TAOK3: variants seen among roughly 807,000 people sequenced by gnomAD.
TAOK3 encodes serine/threonine-protein kinase TAO3.
Under a neutral mutation model 120.4 loss-of-function variants are expected in TAOK3, and 40 were observed. The ratio of observed to expected loss-of-function variants is 0.33; its 90% CI spans 0.26 to 0.43. The LOEUF is 0.43. TAOK3 is among the 20% of genes least tolerant of loss of function. The pLI is 1.00. For missense variants in TAOK3, 821 were observed against 1,112.1 expected, an observed-to-expected ratio of 0.74 and a Z score of 3.72; for synonymous variants, 355 against 387.5, an observed-to-expected ratio of 0.92 and a Z score of 0.99.
chr12:118,276,512 G>T (rs1566051303), intron 1 of TAOK3, among the ~76,000 whole-genome samples: 1 of 151,854 alleles, frequency 6.6e-6, no homozygotes, highest in Non-Finnish European at 1.5e-5. Flanking sequence ...CCAACCTGGC[G>T]AACACTGTGA....
chr12:118,218,843 A>C (rs2039074907), intron 9 of TAOK3, among the ~76,000 whole-genome samples: 1 of 152,098 alleles, frequency 6.6e-6, no homozygotes, highest in Admixed American at 6.6e-5. Flanking sequence ...AATCCCAGCT[A>C]CTTGGGAGGC....
At chr12:118,273,502 C>CAAAAA (rs1372281461) in intron 1 of TAOK3, among the ~76,000 whole-genome samples, 3 of 149,750 alleles carry the variant, frequency 2.0e-5, no homozygotes, top group Admixed American at 1.3e-4. Flanking sequence ...GACTCCGTCT[C>CAAAAA]AAAAAGAAAA....
At chr12:118,366,065 A>T (rs1349179414) in intron 1 of TAOK3, among the ~76,000 whole-genome samples, 1 of 152,094 alleles carries the variant, frequency 6.6e-6, no homozygotes, top group Non-Finnish European at 1.5e-5. Flanking sequence ...GGAATTCGAG[A>T]CCAGCCTAGT....
At chr12:118,268,185 TG>T (rs1177056086) in intron 1 of TAOK3, among the ~76,000 whole-genome samples, 1 of 152,208 alleles carries the variant, frequency 6.6e-6, no homozygotes, top group African/African-American at 2.4e-5. Flanking sequence ...AAACCAAGGC[TG>T]TATTCAACCT....
At chr12:118,185,514 C>T (rs1239337100) in intron 14 of TAOK3, among the ~76,000 whole-genome samples, 7 of 152,122 alleles carry the variant, frequency 4.6e-5, no homozygotes, top group Non-Finnish European at 8.8e-5. Context: ...AAAGTGGCCA[C>T]CTCAGCACTT....
intron 16 of TAOK3, among the ~76,000 whole-genome samples, chr12:118,173,759 GAAGAC>G (rs2036150131): frequency 6.6e-6 from 1 of 152,224 alleles, no homozygotes; most frequent in Non-Finnish European, 1.5e-5. Context: ...GTGAAAAGAA[GAAGAC>G]TACTTGTTAA....
intron 1 of TAOK3, among the ~76,000 whole-genome samples, chr12:118,314,872 G>C (rs1418593673): frequency 6.6e-6 from 1 of 151,744 alleles, no homozygotes; most frequent in Non-Finnish European, 1.5e-5. Flanking sequence ...TGAAGTTGAA[G>C]ATGCGCATGA....
chr12:118,363,153 T>C (rs2045651893), intron 1 of TAOK3, among the ~76,000 whole-genome samples: 1 of 151,868 alleles, frequency 6.6e-6, no homozygotes, highest in East Asian at 1.9e-4. Context: ...AAGGCCACTT[T>C]AGAGAATATT....
intron 20 of TAOK3, among the ~76,000 whole-genome samples, chr12:118,151,625 G>A (rs928699525): frequency 2.6e-5 from 4 of 152,140 alleles, no homozygotes; most frequent in East Asian, 3.8e-4. Flanking sequence ...AGTCTGTTAC[G>A]TTGGTCTCAG....
intron 1 of TAOK3, among the ~76,000 whole-genome samples, chr12:118,349,347 T>C (rs962631130): frequency 1.3e-5 from 2 of 152,180 alleles, no homozygotes; most frequent in African/African-American, 4.8e-5. Flanking sequence ...ATCCAAAAAG[T>C]AGAAGCAGCC....
chr12:118,266,872 T>C (rs1028277822), intron 1 of TAOK3, 113 bp from the exon 2 acceptor site: 2 of 374,374 alleles, frequency 5.3e-6, no homozygotes, highest in Admixed American at 9.0e-5. Flanking sequence ...GTTAAAATTT[T>C]ATCTTCATCT....
intron 1 of TAOK3, among the ~76,000 whole-genome samples, chr12:118,339,348 G>C (rs924384582): frequency 3.6e-5 from 5 of 138,760 alleles, no homozygotes; most frequent in East Asian, 4.4e-4. Flanking sequence ...GCAATGGCGC[G>C]ATCTCGGCTC....
At chr12:118,285,591 G>A (rs1169465554) in intron 1 of TAOK3, among the ~76,000 whole-genome samples, 1 of 152,066 alleles carries the variant, frequency 6.6e-6, no homozygotes, top group Non-Finnish European at 1.5e-5. Context: ...GACCTCAGGT[G>A]ATCCACCTGC....
chr12:118,198,000 A>G (rs1006603937), intron 13 of TAOK3, among the ~76,000 whole-genome samples: 8 of 152,070 alleles, frequency 5.3e-5, no homozygotes, highest in Non-Finnish European at 1.0e-4. Context: ...TCACTTGCCC[A>G]TGTTGAAAGG....
chr12:118,167,985 T>A (rs1303819343), intron 17 of TAOK3, among the ~76,000 whole-genome samples: 1 of 152,216 alleles, frequency 6.6e-6, no homozygotes, highest in African/African-American at 2.4e-5. Context: ...CTTTTCAGCC[T>A]TAAGTCAGCC....
rs778096306 is a variant in TAOK3, at chr12:118,151,104, G to C, written c.2590C>G (p.Leu864Val). Residue 864 changes from leucine (L) to valine (V), a missense_variant, in exon 21 of 21, where the codon CTA becomes GTA. Coordinates refer to ENST00000392533, the MANE Select transcript of TAOK3 (RefSeq NM_016281.4). The stretch of plus-strand genomic sequence containing the variant: ...ATCTCTCGCTCTTGCCTTTCCAATA[G>C]GTTCTTTATTCTCTCGCTGCGTTCC... ...QKERSERIKN[L>V]LERQEREIET... is the part of the protein sequence containing the mutation. 1 of 1,613,554 alleles carries C rather than the reference G, an allele frequency of 6.2e-7. No homozygotes were observed. Among genetic ancestry groups the C allele is most frequent in the Non-Finnish European group, 8.5e-7 (1 of 1,180,004 alleles).
chr12:118,227,603 A>G (rs940876184), intron 9 of TAOK3, among the ~76,000 whole-genome samples: 2 of 152,214 alleles, frequency 1.3e-5, no homozygotes, highest in African/African-American at 4.8e-5. Flanking sequence ...AAGCCTGTAA[A>G]TATCTATGAT....
chr12:118,308,651 C>T (rs138129540), intron 1 of TAOK3, among the ~76,000 whole-genome samples: 11 of 152,114 alleles, frequency 7.2e-5, no homozygotes, highest in African/African-American at 1.2e-4. Context: ...GTAATTTGGC[C>T]GGGCGCGGTG....
rs2034346032 is a variant in TAOK3, at chr12:118,150,920, A to C, written c.*77T>G. 4 of 1,376,512 alleles carry C rather than the reference A, an allele frequency of 2.9e-6. No individual in the cohort carries two copies. The highest frequency in any genetic ancestry group is 3.9e-6 in the Non-Finnish European group (4 of 1,017,430). 85.3% of individuals were successfully genotyped at this position (1,376,512 alleles called of 1,614,324 possible). A position where few individuals can be genotyped will look rare whatever the true frequency, so the allele number is the denominator to read the frequency against. ...AGAGCAACGCCCGTTAAAATGGGGA[A>C]TGTGGTTTTGCAGGGTCTGAATTTT... On this transcript the variant is annotated 3_prime_UTR_variant, in exon 21 of 21. Transcript: ENST00000392533.
Sources: gnomAD v4.1 joint callset for allele counts (sites outside exome capture counted in the v4.1 genomes callset) on GRCh38, gnomAD v4.1.1 for gene constraint, MANE v1.5 for transcripts, NCBI Gene and HGNC (gene_info 2026-07-23, HGNC 2026-07-21) for gene names.